Variants in PPP1R12A observed in about 807,000 individuals in gnomAD.
The protein encoded by PPP1R12A is protein phosphatase 1 regulatory subunit 12A, also known as myosin binding subunit.
PPP1R12A carries 19 observed loss-of-function variants against 139.6 expected under a neutral mutation model. That is an observed-to-expected ratio of 0.14 (90% CI 0.09 to 0.20). The LOEUF is 0.20. PPP1R12A is among the 10% of genes least tolerant of loss of function. The pLI is 1.00. For missense variants in PPP1R12A, 925 were observed against 1,211.5 expected (o/e 0.76, Z 3.51); for synonymous variants, 427 against 420.6 (o/e 1.02, Z -0.19).
At chr12:79,905,988 T>C (rs1241384131) in intron 1 of PPP1R12A, among the ~76,000 whole-genome samples, 2 of 152,164 alleles carry the variant, frequency 1.3e-5, no homozygotes. Context: ...ATTCCTTCAT[T>C]TTCACCCAGA....
chr12:79,776,024 AG>A lies in PPP1R12A; in HGVS notation c.3007-10del. ...TTTAGGTCTGGTAACATCTATAAAG[AG>A]AAAAATTGAAGATCAAGTTTTACCT... On this transcript the variant is annotated splice_polypyrimidine_tract_variant and intron_variant, in intron 24 of 24. Coordinates refer to ENST00000450142, the MANE Select transcript of PPP1R12A (RefSeq NM_002480.3). 6.5e-7 allele frequency: 1 copy of A among 1,532,884 alleles called. No homozygotes were observed. The highest frequency in any genetic ancestry group is 1.2e-5 in the South Asian group (1 of 80,010). 95.0% of individuals were successfully genotyped at this position (1,532,884 alleles called of 1,614,324 possible).
At chr12:79,887,409 TAAAC>T (rs1237374424) in intron 1 of PPP1R12A, among the ~76,000 whole-genome samples, 1 of 151,944 alleles carries the variant, frequency 6.6e-6, no homozygotes, top group East Asian at 1.9e-4. Context: ...TGAACTAAAA[TAAAC>T]AATCTTGTCC....
intron 1 of PPP1R12A, among the ~76,000 whole-genome samples, chr12:79,893,400 C>T (rs980385955): frequency 2.5e-4 from 38 of 152,238 alleles, no homozygotes; most frequent in Non-Finnish European, 1.3e-4. Context: ...TTACATTCAT[C>T]CCTTTTCTCC....
Position 79,926,225 on chromosome 12 carries a change from G to A in PPP1R12A, c.237+8470C>T, listed in dbSNP as rs543585146. ...CTTTAAGACAGAATCTCGCTCTGTC[G>A]CCCAGGCTGGAGTGAAGAGGCATGA... On this transcript the variant is annotated intron_variant, in intron 1 of 24. Coordinates refer to ENST00000450142, the MANE Select transcript of PPP1R12A (RefSeq NM_002480.3). Among the ~76,000 whole-genome samples, 42 of 152,174 alleles carry A rather than the reference G, an allele frequency of 2.8e-4. No homozygotes were observed. In the South Asian group the frequency reaches 8.1e-3, roughly 29 times the overall value.
At chr12:79,813,355 A>G (rs1874850724) in intron 9 of PPP1R12A, among the ~76,000 whole-genome samples, 1 of 152,162 alleles carries the variant, frequency 6.6e-6, no homozygotes, top group Admixed American at 6.5e-5. Flanking sequence ...AAATGTCCTG[A>G]TTCTACTACC....
chr12:79,909,998 C>G (rs1027788262), intron 1 of PPP1R12A, among the ~76,000 whole-genome samples: 2 of 151,798 alleles, frequency 1.3e-5, no homozygotes, highest in African/African-American at 4.8e-5. Flanking sequence ...CCCCGCCCAG[C>G]CTGTCATATT....
Position 79,822,116 on chromosome 12 carries a change from C to A in PPP1R12A, c.867G>T (p.Leu289=). The A allele has an allele frequency of 6.5e-7, 1 of 1,541,598 alleles. No homozygotes were observed. The highest frequency in any genetic ancestry group is 1.8e-5 in the Admixed American group (1 of 54,184). ...YLEELQKKQN[L]LHSEKRDKKS... Reference sequence around the variant, plus strand: ...GGCAATTATTAGTCATCAAACATACCAGATTTTGTTTCTTTTGCAACTCTT... The same window carrying A: ...GGCAATTATTAGTCATCAAACATACAAGATTTTGTTTCTTTTGCAACTCTT... The change falls in exon 6 of 25, where the codon CTG becomes CTT. Residue 289 remains leucine, a splice_region_variant and synonymous_variant. Transcript: ENST00000450142.
intron 18 of PPP1R12A, among the ~76,000 whole-genome samples, chr12:79,794,979 G>C (rs1872342252): frequency 6.6e-6 from 1 of 151,914 alleles, no homozygotes; most frequent in African/African-American, 2.4e-5. Flanking sequence ...TTGAGAGGGA[G>C]AACATGGGGG....
At chr12:79,845,976 T>C (rs1879336664) in intron 2 of PPP1R12A, among the ~76,000 whole-genome samples, 1 of 35,454 alleles carries the variant, frequency 2.8e-5, no homozygotes, top group African/African-American at 5.8e-5. Context: ...TATGGACTGG[T>C]TTCCTTACTG....
In PPP1R12A at chr12:79,796,759, T is replaced by C. The variant is rs1300838931; in HGVS notation, c.2461+23A>G. The C allele has an allele frequency of 8.4e-6, 13 of 1,552,758 alleles. No homozygotes were observed. The East Asian group carries it at 2.7e-4, about 32-fold the overall frequency. Reference sequence around the variant, plus strand: ...AGGATTATATGAAGAAAGCAAAGTGTTTTCAAAATTTGGTATTCTTACCTC... The same window carrying C: ...AGGATTATATGAAGAAAGCAAAGTGCTTTCAAAATTTGGTATTCTTACCTC... On this transcript the variant is annotated intron_variant, in intron 17 of 24. Transcript: ENST00000450142.
intron 17 of PPP1R12A, 135 bp downstream of exon 17, chr12:79,796,647 A>G: frequency 1.5e-6 from 1 of 657,188 alleles, no homozygotes; most frequent in Non-Finnish European, 2.4e-6. Flanking sequence ...CTCAACCTTC[A>G]TATTCTTTCT....
At chr12:79,914,036 T>C (rs929019401) in intron 1 of PPP1R12A, 3 of 152,184 alleles carry the variant, frequency 2.0e-5, no homozygotes, top group African/African-American at 7.2e-5. Flanking sequence ...ATGCCACTCT[T>C]TTTGTTTCGT....
At chr12:79,912,509 T>C (rs1405367239) in intron 1 of PPP1R12A, among the ~76,000 whole-genome samples, 2 of 151,826 alleles carry the variant, frequency 1.3e-5, no homozygotes, top group African/African-American at 4.8e-5. Flanking sequence ...CTGGGCAACA[T>C]AGCGAGACCC....
rs374644584 is a variant in PPP1R12A, at chr12:79,806,347, T to G, written c.1656-14A>C. 6.2e-7 allele frequency: 1 copy of G among 1,606,918 alleles called. No homozygotes were observed. Among genetic ancestry groups the G allele is most frequent in the Non-Finnish European group, 8.5e-7 (1 of 1,173,992 alleles). On this transcript the variant is annotated splice_polypyrimidine_tract_variant and intron_variant, in intron 12 of 24. Transcript: ENST00000450142. ...CCAAAGGAGCAACTAAACAAAAGAG[T>G]CATATCTATATAGGATGTGTTTGTA...
chr12:79,917,628 T>A (rs1887107445), intron 1 of PPP1R12A, among the ~76,000 whole-genome samples: 1 of 152,076 alleles, frequency 6.6e-6, no homozygotes, highest in African/African-American at 2.4e-5. Context: ...TAACTGCAAC[T>A]TTTAAAAATA....
At position 79,912,226 on chromosome 12, in the gene PPP1R12A, A is replaced by T. The variant is rs189790654; in HGVS notation, c.237+22469T>A. Among the ~76,000 whole-genome samples, 52 of 152,148 alleles carry T rather than the reference A, an allele frequency of 3.4e-4. 1 individual carries two copies. Among genetic ancestry groups the T allele is most frequent in the African/African-American group, 1.2e-3 (51 of 41,482 alleles). On this transcript the variant is annotated intron_variant, in intron 1 of 24. Transcript: ENST00000450142. ...CATGACTTTCACAGACTCCATCCAA[A>T]CTCTCAAAACCTTCTGTTCTTGTAT...
At position 79,796,847 on chromosome 12, in the gene PPP1R12A, C is replaced by T. The variant is rs765919254; in HGVS notation, c.2396G>A (p.Arg799Lys). ...SSLYASSQLN[R>K]PNSLVGITSA... ...AGTTATGCCTACAAGACTATTTGGCCTGTTTAGTTGACTTGAAGCATACAG... is the reference window on the plus strand; with the variant it reads ...AGTTATGCCTACAAGACTATTTGGCTTGTTTAGTTGACTTGAAGCATACAG... The change falls in exon 17 of 25, where the codon AGG (arginine) becomes AAG (lysine). Residue 799 changes from arginine (R) to lysine (K), a missense_variant. Physicochemically the swap from Arg to Lys is conservative, Grantham distance 26. Transcript: ENST00000450142. 1.9e-6 allele frequency: 3 copies of T among 1,611,774 alleles called. No homozygotes were observed. Among genetic ancestry groups the T allele is most frequent in the Non-Finnish European group, 2.5e-6 (3 of 1,178,138 alleles).
intron 2 of PPP1R12A, among the ~76,000 whole-genome samples, chr12:79,856,259 T>C (rs1330757430): frequency 6.6e-6 from 1 of 152,228 alleles, no homozygotes; most frequent in Non-Finnish European, 1.5e-5. Context: ...CCCAGTCTTA[T>C]CTGCTACCCT....
intron 1 of PPP1R12A, among the ~76,000 whole-genome samples, chr12:79,924,153 A>C (rs1044674862): frequency 1.7e-4 from 26 of 152,214 alleles, no homozygotes; most frequent in African/African-American, 6.0e-4. Flanking sequence ...TCAAAAAATA[A>C]TGGAAAACAC....
Sources: allele counts gnomAD v4.1 joint callset (sites outside exome capture counted in the v4.1 genomes callset), GRCh38; gene constraint gnomAD v4.1.1; transcripts MANE v1.5; gene names NCBI Gene and HGNC (gene_info 2026-07-23, HGNC 2026-07-21).